Variants in NR6A1 observed in about 807,000 individuals in gnomAD.
NR6A1 encodes nuclear receptor subfamily 6 group A member 1, also known as retinoic acid receptor-related testis-associated receptor.
In NR6A1, 7 loss-of-function variants were observed where a neutral mutation model predicts 59.1. The ratio of observed to expected loss-of-function variants is 0.12; its 90% CI spans 0.07 to 0.22. The LOEUF is 0.22. NR6A1 is among the 10% of genes least tolerant of loss of function. The probability of loss-of-function intolerance (pLI) is 1.00; values close to 1 mark genes in which losing one functional copy is unlikely to be tolerated. For synonymous variants in NR6A1, 243 were observed against 236.1 expected (o/e 1.03, Z -0.27); for missense variants, 468 against 611.6 (o/e 0.77, Z 2.48).
chr9:124,699,734 TA>T, intron 2 of NR6A1, among the ~76,000 whole-genome samples: 1 of 152,230 alleles, frequency 6.6e-6, no homozygotes, highest in Non-Finnish European at 1.5e-5. Context: ...CACCAAAATC[TA>T]ATTTCGAACC....
At chr9:124,620,387 G>A (rs1361902429) in intron 2 of NR6A1, among the ~76,000 whole-genome samples, 1 of 152,160 alleles carries the variant, frequency 6.6e-6, no homozygotes, top group African/African-American at 2.4e-5. Flanking sequence ...TATGTCCAAA[G>A]ACTTGCATGT....
intron 2 of NR6A1, among the ~76,000 whole-genome samples, chr9:124,570,267 CGTTTCAAT>C (rs1442645610): frequency 1.3e-5 from 2 of 152,184 alleles, no homozygotes; most frequent in Non-Finnish European, 2.9e-5. Context: ...CTGCTTTTCC[CGTTTCAAT>C]TCTAAAACCC....
At chr9:124,538,352 A>G in intron 5 of NR6A1, 33 bp from the exon 6 acceptor site, 1 of 1,550,286 alleles carries the variant, frequency 6.5e-7, no homozygotes, top group Non-Finnish European at 8.9e-7. Context: ...AAACAGAGCC[A>G]TGGCAAGTCT....
chr9:124,546,887 A>AT, intron 3 of NR6A1, among the ~76,000 whole-genome samples: 1 of 152,210 alleles, frequency 6.6e-6, no homozygotes, highest in Admixed American at 6.5e-5. Context: ...TCTCCCACGC[A>AT]TTTTTGAGAT....
At chr9:124,711,558 CA>C (rs1173717463) in intron 2 of NR6A1, among the ~76,000 whole-genome samples, 1 of 152,158 alleles carries the variant, frequency 6.6e-6, no homozygotes, top group Admixed American at 6.5e-5. Flanking sequence ...AATCTCTCTG[CA>C]AGTAGATTTC....
intron 2 of NR6A1, among the ~76,000 whole-genome samples, chr9:124,603,498 A>T (rs1334396829): frequency 2.0e-5 from 3 of 152,184 alleles, no homozygotes; most frequent in Non-Finnish European, 4.4e-5. Flanking sequence ...CCTGAGACTA[A>T]ATCTTCCAAC....
At position 124,518,351 on chromosome 9, in the gene NR6A1, C is replaced by A. The variant is rs1832731586; in HGVS notation, c.*4354G>T. ...CCCAGGTCTGGCCAAAGCAGAAGCC[C>A]CAGCTTGCTCCAGACTTGGCAGGCT... On this transcript the variant is annotated 3_prime_UTR_variant, in exon 10 of 10. Coordinates refer to ENST00000487099, the MANE Select transcript of NR6A1 (RefSeq NM_033334.4). 1 of 151,696 alleles carries A rather than the reference C, an allele frequency of 6.6e-6. No individual in the cohort carries two copies. Among genetic ancestry groups the A allele is most frequent in the Non-Finnish European group, 1.5e-5 (1 of 67,974 alleles). The allele number at this position is 151,696 out of a possible 1,614,324, so 9.4% of individuals were successfully genotyped here.
chr9:124,534,201 T>C (rs780408289), intron 7 of NR6A1, among the ~76,000 whole-genome samples: 1 of 151,836 alleles, frequency 6.6e-6, no homozygotes, highest in Non-Finnish European at 1.5e-5. Context: ...GCCTCCCAAG[T>C]ACCTGGGATT....
intron 2 of NR6A1, among the ~76,000 whole-genome samples, chr9:124,585,543 C>CAAA (rs57689255): frequency 1.8e-5 from 1 of 55,558 alleles, no homozygotes. Context: ...GACTCCATCT[C>CAAA]AAAAAAAAAA....
chr9:124,601,865 G>A (rs1408703154), intron 2 of NR6A1, among the ~76,000 whole-genome samples: 4 of 151,600 alleles, frequency 2.6e-5, no homozygotes, highest in Non-Finnish European at 5.9e-5. Flanking sequence ...GAGGTGGGAG[G>A]GTTGCTTGAG....
chr9:124,535,911 G>T lies in NR6A1; in HGVS notation c.1046C>A (p.Ala349Asp). 6.2e-7 allele frequency: 1 copy of T among 1,614,116 alleles called. No homozygotes were observed. The highest frequency in any genetic ancestry group is 2.2e-5 in the East Asian group (1 of 44,868). Residue 349 changes from alanine to aspartate, a missense_variant, in exon 7 of 10, where the codon GCC becomes GAC. Ala to Asp is a moderately radical substitution (Grantham distance 126). This residue lies in a region of NR6A1 where 176 missense variants were observed against 264.0 expected (regional missense o/e 0.67). Transcript: ENST00000487099. ...TTCTTCATCGGAGGGCGAGTACTTG[G>T]CAGTGACATCAGCCAGTTCCCCAAA... ...QIFGELADVT[A>D]KYSPSDEELH...
At position 124,520,592 on chromosome 9, in the gene NR6A1, C is replaced by T. The variant is rs1277574374; in HGVS notation, c.*2113G>A. 2.0e-5 allele frequency: 3 copies of T among 152,166 alleles called. No individual in the cohort carries two copies. Among genetic ancestry groups the T allele is most frequent in the Non-Finnish European group, 4.4e-5 (3 of 68,024 alleles). 9.4% of individuals were successfully genotyped at this position (152,166 alleles called of 1,614,324 possible). A position where few individuals can be genotyped will look rare whatever the true frequency, so the allele number is the denominator to read the frequency against. On this transcript the variant is annotated 3_prime_UTR_variant, in exon 10 of 10. Coordinates refer to ENST00000487099, the MANE Select transcript of NR6A1 (RefSeq NM_033334.4). ...AGCAATTTCAAAAATAATAATTGGA[C>T]AGATAGAGGCCTCAGCAAAGAACGA...
Position 124,520,006 on chromosome 9 carries a change from ACAACTTTTCT to A in NR6A1, c.*2689_*2698del, listed in dbSNP as rs1243451983. On this transcript the variant is annotated 3_prime_UTR_variant, in exon 10 of 10. Transcript: ENST00000487099. ...GAAAGAGAAATTAGAGAAAACATGC[ACAACTTTTCT>A]CTCCTTCCACTCGCAAAAAGGCTAC... is the stretch of plus-strand genomic sequence containing the variant. 6.6e-6 allele frequency: 1 copy of A among 151,710 alleles called. No homozygotes were observed. The highest frequency in any genetic ancestry group is 1.5e-5 in the Non-Finnish European group (1 of 67,974). 9.4% of individuals were successfully genotyped at this position (151,710 alleles called of 1,614,324 possible).
At chr9:124,737,156 T>C (rs1387523418) in intron 1 of NR6A1, among the ~76,000 whole-genome samples, 1 of 152,158 alleles carries the variant, frequency 6.6e-6, no homozygotes, top group Non-Finnish European at 1.5e-5. Context: ...TGCTACTTCC[T>C]GAGGAAAGAC....
At chr9:124,556,344 A>C (rs1833924264) in intron 2 of NR6A1, among the ~76,000 whole-genome samples, 1 of 152,208 alleles carries the variant, frequency 6.6e-6, no homozygotes, top group Non-Finnish European at 1.5e-5. Context: ...CTGGCCACCA[A>C]CCAAGGAATG....
rs76121241 is a variant in NR6A1 at position 124,593,666 on chromosome 9, G to C, written c.143-39096C>G. ...ACTCAAGTATTTTTCTCCTTTAAGC[G>C]GCAATCTAATTTTCACAGAGAATTC... On this transcript the variant is annotated intron_variant, in intron 2 of 9. Coordinates refer to ENST00000487099, the MANE Select transcript of NR6A1 (RefSeq NM_033334.4). Among the ~76,000 whole-genome samples the C allele has an allele frequency of 3.6e-4, 55 of 152,210 alleles. No homozygotes were observed. The East Asian group carries it at 9.8e-3, about 27-fold the overall frequency.
At chr9:124,701,524 C>T (rs1838949227) in intron 2 of NR6A1, among the ~76,000 whole-genome samples, 1 of 152,208 alleles carries the variant, frequency 6.6e-6, no homozygotes, top group Admixed American at 6.5e-5. Context: ...TAAACAAGAA[C>T]TCTGTACCCA....
chr9:124,593,603 A>G (rs112261168), intron 2 of NR6A1, among the ~76,000 whole-genome samples: 6 of 152,200 alleles, frequency 3.9e-5, no homozygotes, highest in South Asian at 4.1e-4. Flanking sequence ...AATCTTTGCA[A>G]GTTGAGGAAT....
intron 8 of NR6A1, among the ~76,000 whole-genome samples, chr9:124,525,391 G>A (rs1244620949): frequency 6.6e-6 from 1 of 150,562 alleles, no homozygotes. Context: ...TTTAGATAGG[G>A]TCTCACTCTG....
Sources: gnomAD v4.1 joint callset for allele counts (sites outside exome capture counted in the v4.1 genomes callset) on GRCh38, gnomAD v4.1.1 for gene constraint, gnomAD v4.1.1 regional missense constraint, MANE v1.5 for transcripts, NCBI Gene and HGNC (gene_info 2026-07-23, HGNC 2026-07-21) for gene names.